The following FAM13A variants were observed in gnomAD, a reference collection of about 807,000 sequenced individuals.
The protein encoded by FAM13A is family with sequence similarity 13 member A, also known as protein FAM13A.
Under a neutral mutation model 129.6 loss-of-function variants are expected in FAM13A, and 76 were observed. The ratio of observed to expected loss-of-function variants is 0.59; its 90% CI spans 0.49 to 0.71. The LOEUF (loss-of-function observed/expected upper bound fraction) is 0.71. Among genes scored for constraint, FAM13A ranks in the 30% least tolerant of loss-of-function variants. FAM13A has a pLI of 0.00. For missense variants in FAM13A, 1,108 were observed against 1,249.3 expected, an observed-to-expected ratio of 0.89 and a Z score of 1.70; for synonymous variants, 443 against 449.9, an observed-to-expected ratio of 0.98 and a Z score of 0.20.
At chr4:89,055,403 CTG>C (rs1772098457) in intron 1 of FAM13A, among the ~76,000 whole-genome samples, 1 of 152,106 alleles carries the variant, frequency 6.6e-6, no homozygotes, top group Admixed American at 6.6e-5. Context: ...ATCTCTTACA[CTG>C]TGTGATTTTT....
intron 11 of FAM13A, 46 bp from the exon 12 acceptor site, chr4:88,768,105 T>C (rs748208813): frequency 5.6e-6 from 6 of 1,071,188 alleles, no homozygotes; most frequent in Non-Finnish European, 8.7e-6. Context: ...TGGTAAGAAA[T>C]ATGCAACGCA....
chr4:88,960,937 A>C (rs1035870252), intron 4 of FAM13A, among the ~76,000 whole-genome samples: 2 of 152,206 alleles, frequency 1.3e-5, no homozygotes, highest in African/African-American at 4.8e-5. Flanking sequence ...TATTTATGGA[A>C]ATTGATGACT....
Position 88,749,856 on chromosome 4 carries a change from G to A in FAM13A, c.1994C>T (p.Pro665Leu). 4.3e-6 allele frequency: 7 copies of A among 1,614,030 alleles called. No individual in the cohort carries two copies. The highest frequency in any genetic ancestry group is 5.1e-6 in the Non-Finnish European group (6 of 1,179,954). ...CTGAATCCTTCGTGTGAGCTGGGCA[G>A]GTGTCAGGTCCTCTTGCTCATCATC... is the stretch of plus-strand genomic sequence containing the variant. ...SYDDEQEDLTPAQLTRRIQSL... is the reference protein window; with the variant it reads ...SYDDEQEDLTLAQLTRRIQSL... Residue 665 changes from proline (P) to leucine (L), a missense_variant, in exon 16 of 24, where the codon CCT becomes CTT. By Grantham distance (98) the Pro-to-Leu change is moderately conservative. Around this residue, in one of 3 missense-constraint regions of FAM13A, gnomAD observed 529 missense variants for 621.2 expected, o/e 0.85. Coordinates refer to ENST00000264344, the MANE Select transcript of FAM13A (RefSeq NM_014883.4).
At chr4:88,763,306 T>TTCAC (rs2149525900) in intron 13 of FAM13A, among the ~76,000 whole-genome samples, 1 of 152,278 alleles carries the variant, frequency 6.6e-6, no homozygotes, top group African/African-American at 2.4e-5. Flanking sequence ...CATTCATTCA[T>TTCAC]TCATACATTT....
chr4:88,767,059 C>T (rs1483983382), intron 13 of FAM13A, among the ~76,000 whole-genome samples: 1 of 152,104 alleles, frequency 6.6e-6, no homozygotes, highest in African/African-American at 2.4e-5. Context: ...CTTGAAGATA[C>T]AGATGACATA....
rs540189885 is a variant in FAM13A at position 88,938,457 on chromosome 4, T to C, written c.606-216A>G. Among the ~76,000 whole-genome samples, 5 of 152,290 alleles carry C rather than the reference T, an allele frequency of 3.3e-5. No individual in the cohort carries two copies. The East Asian group carries it at 9.6e-4, about 29-fold the overall frequency. On this transcript the variant is annotated intron_variant, in intron 4 of 23. Coordinates refer to ENST00000264344, the MANE Select transcript of FAM13A (RefSeq NM_014883.4). ...TAGCTTGGGCTGAATAAGAAAAATA[T>C]AGGCTGTTCAGGAAGAAGATAGAGA...
At position 88,857,869 on chromosome 4, in the gene FAM13A, C is replaced by G. The variant is rs539490296; in HGVS notation, c.844-6686G>C. ...GCACTTAGCAAACAGTAGGTGACCACTAAATGTCTGTATAATGACTAAGAA... is the reference window on the plus strand; with the variant it reads ...GCACTTAGCAAACAGTAGGTGACCAGTAAATGTCTGTATAATGACTAAGAA... On this transcript the variant is annotated intron_variant, in intron 6 of 23. Coordinates refer to ENST00000264344, the MANE Select transcript of FAM13A (RefSeq NM_014883.4). Among the ~76,000 whole-genome samples, 7 of 152,252 alleles carry G rather than the reference C, an allele frequency of 4.6e-5. No homozygotes were observed. The South Asian group carries it at 1.5e-3, about 32-fold the overall frequency.
At chr4:89,030,592 A>G (rs1768556091) in intron 1 of FAM13A, among the ~76,000 whole-genome samples, 1 of 152,150 alleles carries the variant, frequency 6.6e-6, no homozygotes, top group Non-Finnish European at 1.5e-5. Flanking sequence ...GACTTAAATC[A>G]CCAACATTTA....
At chr4:89,004,451 T>C (rs568723877) in intron 3 of FAM13A, among the ~76,000 whole-genome samples, 2 of 152,326 alleles carry the variant, frequency 1.3e-5, no homozygotes, top group South Asian at 2.1e-4. Flanking sequence ...TCTTGTGTTA[T>C]CAACTTAGCC....
At position 88,747,662 on chromosome 4, in the gene FAM13A, C is replaced by G. The variant is rs557334929; in HGVS notation, c.2351G>C (p.Arg784Pro). Residue 784 changes from arginine to proline, a missense_variant, in exon 18 of 24, where the codon CGA becomes CCA. Physicochemically the swap from Arg to Pro is moderately radical, Grantham distance 103. Around this residue, in one of 3 missense-constraint regions of FAM13A, gnomAD observed 529 missense variants for 621.2 expected, o/e 0.85. Coordinates refer to ENST00000264344, the MANE Select transcript of FAM13A (RefSeq NM_014883.4). ...ESIQRKLQEK[R>P]AESSRPEDIK... is the part of the protein sequence containing the mutation. ...GTCCTCAGGGCGGCTGCTTTCCGCTCGCTTCTCCTGGAGCTTCCTCTGAAT... is the reference window on the plus strand; with the variant it reads ...GTCCTCAGGGCGGCTGCTTTCCGCTGGCTTCTCCTGGAGCTTCCTCTGAAT... 1.9e-6 allele frequency: 3 copies of G among 1,614,164 alleles called. No homozygotes were observed. Among genetic ancestry groups the G allele is most frequent in the Non-Finnish European group, 1.7e-6 (2 of 1,180,030 alleles).
intron 3 of FAM13A, among the ~76,000 whole-genome samples, chr4:88,994,033 C>T (rs1026898291): frequency 6.6e-6 from 1 of 151,636 alleles, no homozygotes. Context: ...GGAAGAATCA[C>T]AAAATATACT....
At chr4:89,020,849 C>G (rs939061100) in intron 2 of FAM13A, among the ~76,000 whole-genome samples, 180 bp from the exon 3 acceptor site, 4 of 152,104 alleles carry the variant, frequency 2.6e-5, no homozygotes, top group African/African-American at 9.7e-5. Flanking sequence ...ATGTTCATAT[C>G]CACTGCATGT....
intron 5 of FAM13A, among the ~76,000 whole-genome samples, chr4:88,920,857 G>A (rs1175485281): frequency 3.3e-5 from 5 of 152,200 alleles, no homozygotes; most frequent in Non-Finnish European, 5.9e-5. Context: ...AGTGCTTAAA[G>A]GAGCTGATGG....
chr4:88,795,820 A>G (rs1315639019), intron 8 of FAM13A, among the ~76,000 whole-genome samples: 2 of 151,806 alleles, frequency 1.3e-5, no homozygotes, highest in Non-Finnish European at 3.0e-5. Flanking sequence ...TTTTTATTTC[A>G]TCTAGGTTTT....
At chr4:88,766,589 A>T (rs1434905006) in intron 13 of FAM13A, among the ~76,000 whole-genome samples, 1 of 152,152 alleles carries the variant, frequency 6.6e-6, no homozygotes, top group African/African-American at 2.4e-5. Context: ...ATGATAATAC[A>T]ATTTTCTAAG....
chr4:89,038,447 C>T (rs1372328641), intron 1 of FAM13A, among the ~76,000 whole-genome samples: 1 of 151,264 alleles, frequency 6.6e-6, no homozygotes, highest in African/African-American at 2.4e-5. Flanking sequence ...TGAGACATCT[C>T]ACTCCAGAAA....
chr4:88,734,119 CAG>C (rs4056114), intron 21 of FAM13A, among the ~76,000 whole-genome samples: 26,894 of 152,020 alleles, frequency 0.18, 2,490 homozygotes, highest in East Asian at 0.24. Flanking sequence ...TGGGAAAAAT[CAG>C]TGATCAACTG....
At chr4:88,900,569 A>G (rs545217452) in intron 6 of FAM13A, among the ~76,000 whole-genome samples, 88 of 152,296 alleles carry the variant, frequency 5.8e-4, no homozygotes, top group African/African-American at 1.8e-3. Context: ...GAAAGGAGAA[A>G]TAAGATCCTT....
At chr4:89,032,630 C>A (rs995602890) in intron 1 of FAM13A, among the ~76,000 whole-genome samples, 1 of 152,074 alleles carries the variant, frequency 6.6e-6, no homozygotes, top group South Asian at 2.1e-4. Context: ...CTTGTTGATG[C>A]TTTTATTTTT....
Sources: gnomAD v4.1 joint callset for allele counts (sites outside exome capture counted in the v4.1 genomes callset) on GRCh38, gnomAD v4.1.1 for gene constraint, gnomAD v4.1.1 regional missense constraint, MANE v1.5 for transcripts, NCBI Gene and HGNC (gene_info 2026-07-23, HGNC 2026-07-21) for gene names.